MRPL39: variants seen among roughly 807,000 people sequenced by gnomAD.
MRPL39 encodes large ribosomal subunit protein mL39.
A neutral mutation model predicts 44.5 loss-of-function variants in MRPL39; 35 were observed. The ratio of observed to expected loss-of-function variants is 0.79; its 90% CI spans 0.60 to 1.04. MRPL39 has a LOEUF of 1.04. Ranked by LOEUF, MRPL39 falls within the 50% of genes least tolerant of loss-of-function variation. MRPL39 has a pLI of 0.00. For missense variants in MRPL39, 433 were observed against 413.5 expected (o/e 1.05, Z -0.41); for synonymous variants, 139 against 136.1 (o/e 1.02, Z -0.15).
intron 1 of MRPL39, 24 bp from the exon 2 acceptor site, chr21:25,606,679 T>A (rs1490125802): frequency 6.4e-7 from 1 of 1,569,332 alleles, no homozygotes; most frequent in Admixed American, 1.7e-5. Flanking sequence ...ACAATAAATA[T>A]GAAGACTGAA....
intron 5 of MRPL39, among the ~76,000 whole-genome samples, chr21:25,599,569 G>A (rs527251139): frequency 1.3e-5 from 2 of 152,272 alleles, no homozygotes; most frequent in East Asian, 3.9e-4. Context: ...TGACCATGTT[G>A]ATGTAAATAC....
intron 8 of MRPL39, 60 bp downstream of exon 8, chr21:25,592,752 C>T (rs1205369153): frequency 1.2e-5 from 15 of 1,280,668 alleles, no homozygotes; most frequent in African/African-American, 1.5e-5. Context: ...GGTATAAAAT[C>T]AAGTCCGGAA....
intron 9 of MRPL39, 96 bp downstream of exon 9, chr21:25,588,739 T>C (rs2031080269): frequency 1.7e-6 from 2 of 1,181,102 alleles, no homozygotes. Flanking sequence ...TTCCTTTCTC[T>C]TTGTTTCTTT....
chr21:25,605,452 A>C (rs540418755), intron 2 of MRPL39, among the ~76,000 whole-genome samples: 12 of 149,216 alleles, frequency 8.0e-5, no homozygotes, highest in African/African-American at 3.1e-4. Context: ...CAACAAAAAT[A>C]CAACACAGAG....
At chr21:25,604,418 G>A (rs2031607663) in intron 2 of MRPL39, among the ~76,000 whole-genome samples, 1 of 152,054 alleles carries the variant, frequency 6.6e-6, no homozygotes. Flanking sequence ...AATATTCAGA[G>A]AGCAGCATCA....
chr21:25,591,708 T>A (rs543892022), intron 8 of MRPL39, among the ~76,000 whole-genome samples: 2 of 151,968 alleles, frequency 1.3e-5, no homozygotes, highest in South Asian at 4.2e-4. Context: ...GAAAAACTGA[T>A]CACTCACACA....
At chr21:25,598,713 C>G (rs1025321078) in intron 5 of MRPL39, among the ~76,000 whole-genome samples, 2 of 151,892 alleles carry the variant, frequency 1.3e-5, no homozygotes, top group African/African-American at 4.8e-5. Flanking sequence ...TTCTCTCCCT[C>G]TCAATATTAT....
At chr21:25,596,174 C>CT (rs1323751593) in intron 6 of MRPL39, among the ~76,000 whole-genome samples, 1 of 152,030 alleles carries the variant, frequency 6.6e-6, no homozygotes, top group Non-Finnish European at 1.5e-5. Context: ...CCTAGGCTCA[C>CT]TGCAAGCTCC....
At chr21:25,604,494 C>T (rs939180308) in intron 2 of MRPL39, among the ~76,000 whole-genome samples, 1 of 152,152 alleles carries the variant, frequency 6.6e-6, no homozygotes, top group African/African-American at 2.4e-5. Context: ...TACACACCTA[C>T]AAAAATCAGT....
At position 25,603,816 on chromosome 21, in the gene MRPL39, C is replaced by A; in HGVS notation, c.400G>T (p.Asp134Tyr). The A allele has an allele frequency of 6.2e-7, 1 of 1,610,938 alleles. No homozygotes were observed. Among genetic ancestry groups the A allele is most frequent in the African/African-American group, 1.3e-5 (1 of 74,868 alleles). Residue 134 changes from aspartate to tyrosine, a missense_variant, in exon 3 of 10, where the codon GAT (aspartate) becomes TAT (tyrosine). Asp to Tyr is a radical substitution (Grantham distance 160). Transcript: ENST00000352957. ...AATACCTTATTCACTTCTCCTGGAT[C>A]ACAATCTTTGAAAGTAAGAAATTTA... ...EIKFLTFKDCDPGEVNKAYWR... is the reference protein window; with the variant it reads ...EIKFLTFKDCYPGEVNKAYWR...
intron 2 of MRPL39, among the ~76,000 whole-genome samples, chr21:25,605,302 C>A (rs2031630609): frequency 6.6e-6 from 1 of 152,158 alleles, no homozygotes; most frequent in African/African-American, 2.4e-5. Context: ...TATAGAAGTT[C>A]TTATTCCCTT....
chr21:25,602,285 G>A (rs1290798345), intron 3 of MRPL39, among the ~76,000 whole-genome samples: 1 of 152,166 alleles, frequency 6.6e-6, no homozygotes, highest in Non-Finnish European at 1.5e-5. Context: ...CAGTCAGAAT[G>A]CCTAGGTTCA....
At chr21:25,587,567 A>G (rs937580253) in intron 9 of MRPL39, 9 of 741,048 alleles carry the variant, frequency 1.2e-5, no homozygotes. Context: ...TTGGGCTTAC[A>G]CAAATATAAC....
At chr21:25,600,554 T>C (rs2031491384) in intron 4 of MRPL39, among the ~76,000 whole-genome samples, 1 of 139,626 alleles carries the variant, frequency 7.2e-6, no homozygotes, top group Non-Finnish European at 1.5e-5. Flanking sequence ...CTTTCAAATA[T>C]TTTAGGTATA....
At chr21:25,603,249 G>A (rs552227159) in intron 3 of MRPL39, among the ~76,000 whole-genome samples, 4 of 152,138 alleles carry the variant, frequency 2.6e-5, no homozygotes, top group African/African-American at 7.2e-5. Flanking sequence ...AAGAAGCAGG[G>A]GGGAGGCCAA....
At chr21:25,587,835 AG>A in intron 9 of MRPL39, 1 of 1,409,184 alleles carries the variant, frequency 7.1e-7, no homozygotes, top group Non-Finnish European at 1.0e-6. Flanking sequence ...CTTGAAAATA[AG>A]TTTAATGTGT....
At chr21:25,599,251 C>A (rs2031451606) in intron 5 of MRPL39, among the ~76,000 whole-genome samples, 1 of 78,402 alleles carries the variant, frequency 1.3e-5, no homozygotes, top group Admixed American at 1.7e-4. Context: ...GTTAATATTT[C>A]ATTTGTTGAT....
chr21:25,592,765 A>G lies in MRPL39; in HGVS notation c.921+47T>C, dbSNP rs370819440. The G allele has an allele frequency of 1.3e-5, 19 of 1,421,690 alleles. No homozygotes were observed. The Middle Eastern group carries it at 1.1e-3, about 82-fold the overall frequency. 88.1% of individuals were successfully genotyped at this position (1,421,690 alleles called of 1,614,324 possible). On this transcript the variant is annotated intron_variant, in intron 8 of 9. Transcript: ENST00000352957. ...CTGGTATAAAATCAAGTCCGGAATTATATCTATACCCAAATTGGAAGACCT... is the reference window on the plus strand; with the variant it reads ...CTGGTATAAAATCAAGTCCGGAATTGTATCTATACCCAAATTGGAAGACCT...
At chr21:25,590,211 C>A (rs2829808) in intron 8 of MRPL39, among the ~76,000 whole-genome samples, 2 of 151,836 alleles carry the variant, frequency 1.3e-5, no homozygotes, top group Admixed American at 1.3e-4. Flanking sequence ...AAAGGACTTG[C>A]GGATGGATGG....
Sources: allele counts gnomAD v4.1 joint callset (sites outside exome capture counted in the v4.1 genomes callset), GRCh38; gene constraint gnomAD v4.1.1; transcripts MANE v1.5; gene names NCBI Gene and HGNC (gene_info 2026-07-23, HGNC 2026-07-21).